The following PCYT1A variants were observed in gnomAD, a reference collection of about 807,000 sequenced individuals.
PCYT1A encodes the protein phosphate cytidylyltransferase 1A, choline, also known as choline-phosphate cytidylyltransferase A.
A neutral mutation model predicts 43.7 loss-of-function variants in PCYT1A; 25 were observed. The ratio of observed to expected loss-of-function variants is 0.57; its 90% confidence interval spans 0.42 to 0.80. The LOEUF (loss-of-function observed/expected upper bound fraction) is 0.80. PCYT1A is among the 30% of genes least tolerant of loss of function. PCYT1A has a pLI of 0.00. For synonymous variants in PCYT1A, 172 were observed against 170.7 expected, an observed-to-expected ratio of 1.01 and a Z score of -0.06; for missense variants, 421 against 474.2, an observed-to-expected ratio of 0.89 and a Z score of 1.04.
intron 2 of PCYT1A, among the ~76,000 whole-genome samples, chr3:196,262,768 T>C (rs1041676222): frequency 2.0e-5 from 3 of 151,082 alleles, no homozygotes; most frequent in Admixed American, 6.7e-5. Context: ...CCAGTACACT[T>C]TTTACTTTCT....
intron 2 of PCYT1A, among the ~76,000 whole-genome samples, chr3:196,260,779 T>C (rs1273556108): frequency 6.6e-6 from 1 of 152,092 alleles, no homozygotes; most frequent in African/African-American, 2.4e-5. Flanking sequence ...GAGGTGGAGG[T>C]TGCAGTGAGC....
chr3:196,265,086 C>A (rs1405345409), intron 2 of PCYT1A, among the ~76,000 whole-genome samples: 1 of 151,308 alleles, frequency 6.6e-6, no homozygotes, highest in Non-Finnish European at 1.5e-5. Flanking sequence ...TTTTTTGAGA[C>A]AGAGTCTCGC....
In PCYT1A at chr3:196,239,604, C is replaced by T. The variant is rs760503852; in HGVS notation, c.840G>A (p.Glu280=). 6 of 1,612,826 alleles carry T rather than the reference C, an allele frequency of 3.7e-6. No homozygotes were observed. The highest frequency in any genetic ancestry group is 5.1e-6 in the Non-Finnish European group (6 of 1,178,886). ...KSIDLIQKWE[E]KSREFIGSFL... ...AACTTCCAATGAATTCTCGGGACTTCTCCTCCCACTTCTGAATGAGGTCAA... is the reference window on the plus strand; with the variant it reads ...AACTTCCAATGAATTCTCGGGACTTTTCCTCCCACTTCTGAATGAGGTCAA... The change falls in exon 8 of 9, where the codon GAG becomes GAA. Residue 280 remains glutamate, a synonymous_variant. Transcript: ENST00000431016.
Position 196,277,003 on chromosome 3 carries a change from G to A in PCYT1A, c.-10-6462C>T, listed in dbSNP as rs1446536790. Reference sequence around the variant, plus strand: ...CTGGCACTTTGAGAGGCCAAGGCAGGCGAATCACCTGAGGTCTGGAGTTCA... The same window carrying A: ...CTGGCACTTTGAGAGGCCAAGGCAGACGAATCACCTGAGGTCTGGAGTTCA... On this transcript the variant is annotated intron_variant, in intron 1 of 8. Transcript: ENST00000431016. The surrounding 1 kb of genome is among the most constrained non-coding windows in gnomAD (Gnocchi z 4.1). 2.6e-5 allele frequency among the ~76,000 whole-genome samples: 4 copies of A among 152,024 alleles called. No individual in the cohort carries two copies. Among genetic ancestry groups the A allele is most frequent in the East Asian group, 3.9e-4 (2 of 5,182 alleles).
chr3:196,260,862 A>C (rs1725090838), intron 2 of PCYT1A, among the ~76,000 whole-genome samples: 1 of 152,180 alleles, frequency 6.6e-6, no homozygotes, highest in African/African-American at 2.4e-5. Flanking sequence ...CAAAACAAAA[A>C]CAAAAACAAA....
In PCYT1A at chr3:196,247,241, C is replaced by T; in HGVS notation, c.486+126G>A. 1 of 951,406 alleles carries T rather than the reference C, an allele frequency of 1.1e-6. No individual in the cohort carries two copies. The allele number at this position is 951,406 out of a possible 1,614,324, so 58.9% of individuals were successfully genotyped here. On this transcript the variant is annotated intron_variant, in intron 5 of 8. Coordinates refer to ENST00000431016, the MANE Select transcript of PCYT1A (RefSeq NM_001312673.2). This position sits in a 1 kb window ranked among gnomAD's most constrained non-coding sequence, Gnocchi z 4.8. The stretch of plus-strand genomic sequence containing the variant: ...ATCACTAGTAATATCACTGTCATCT[C>T]CTACGAAACTTACATAAGAGGTAGA...
chr3:196,257,971 G>T, intron 2 of PCYT1A, 84 bp from the exon 3 acceptor site: 1 of 770,958 alleles, frequency 1.3e-6, no homozygotes, highest in South Asian at 1.6e-5. Flanking sequence ...ATGAGAGAAA[G>T]GAGATTGATC....
At chr3:196,286,955 T>G (rs1374315440) in intron 1 of PCYT1A, among the ~76,000 whole-genome samples, 1 of 152,204 alleles carries the variant, frequency 6.6e-6, no homozygotes, top group African/African-American at 2.4e-5. Context: ...ATCCACTAAA[T>G]TGGTTTCACA....
chr3:196,238,376 A>C lies in PCYT1A; in HGVS notation c.*312T>G. 1 of 209,280 alleles carries C rather than the reference A, an allele frequency of 4.8e-6. No homozygotes were observed. Among genetic ancestry groups the C allele is most frequent in the Non-Finnish European group, 9.5e-6 (1 of 105,658 alleles). The allele number at this position is 209,280 out of a possible 1,614,324, so 13.0% of individuals were successfully genotyped here. A position where few individuals can be genotyped will look rare whatever the true frequency, so the allele number is the denominator to read the frequency against. ...TCTACATTTGAAAGACGAATTTTTT[A>C]AAAAATTAATGAAAATGACAATTTC... On this transcript the variant is annotated 3_prime_UTR_variant, in exon 9 of 9. Coordinates refer to ENST00000431016, the MANE Select transcript of PCYT1A (RefSeq NM_001312673.2).
chr3:196,272,879 G>T (rs2108778878), intron 1 of PCYT1A, among the ~76,000 whole-genome samples: 1 of 152,342 alleles, frequency 6.6e-6, no homozygotes, highest in South Asian at 2.1e-4. Flanking sequence ...TGTGGCCAGT[G>T]GCACCTTTGC....
chr3:196,286,774 C>T (rs750461065), intron 1 of PCYT1A, among the ~76,000 whole-genome samples: 1 of 152,108 alleles, frequency 6.6e-6, no homozygotes, highest in Non-Finnish European at 1.5e-5. Flanking sequence ...ATTAGCCGGG[C>T]GTGGTGGCGC....
rs890412162 is a variant in PCYT1A at position 196,268,582 on chromosome 3, C to T, written c.117+1833G>A. The stretch of plus-strand genomic sequence containing the variant: ...GGAAGACTACTTGAGCTCAGGAGTT[C>T]AAGACCAGCCTGGGCAACATAGCAA... On this transcript the variant is annotated intron_variant, in intron 2 of 8. Coordinates refer to ENST00000431016, the MANE Select transcript of PCYT1A (RefSeq NM_001312673.2). This position sits in a 1 kb window ranked among gnomAD's most constrained non-coding sequence, Gnocchi z 4.4. 3.0e-4 allele frequency among the ~76,000 whole-genome samples: 46 copies of T among 151,888 alleles called. No individual in the cohort carries two copies. The highest frequency in any genetic ancestry group is 1.0e-3 in the African/African-American group (43 of 41,334).
In PCYT1A at chr3:196,247,611, G is replaced by T; in HGVS notation, c.335-93C>A. The T allele has an allele frequency of 1.6e-6, 2 of 1,224,610 alleles. No homozygotes were observed. Among genetic ancestry groups the T allele is most frequent in the South Asian group, 1.2e-5 (1 of 81,922 alleles). The allele number at this position is 1,224,610 out of a possible 1,614,324, so 75.9% of individuals were successfully genotyped here. A position where few individuals can be genotyped will look rare whatever the true frequency, so the allele number is the denominator to read the frequency against. The stretch of plus-strand genomic sequence containing the variant: ...TCTCCCATCTTCTCCCACTGCTTAG[G>T]ACTGCAACCATCTTCCCCAACTGGA... On this transcript the variant is annotated intron_variant, in intron 4 of 8. Transcript: ENST00000431016. This position sits in a 1 kb window ranked among gnomAD's most constrained non-coding sequence, Gnocchi z 4.8.
rs1725485020 is a variant in PCYT1A, at chr3:196,273,068, G to T, written c.-10-2527C>A. Reference sequence around the variant, plus strand: ...CCACTGCGCACAGCCAGGCACGCCAGCTGCCAGGGGGTGAGCAGCTCGAGG... The same window carrying T: ...CCACTGCGCACAGCCAGGCACGCCATCTGCCAGGGGGTGAGCAGCTCGAGG... On this transcript the variant is annotated intron_variant, in intron 1 of 8. Coordinates refer to ENST00000431016, the MANE Select transcript of PCYT1A (RefSeq NM_001312673.2). The surrounding 1 kb of genome is among the most constrained non-coding windows in gnomAD (Gnocchi z 4.1). Among the ~76,000 whole-genome samples the T allele has an allele frequency of 1.3e-5, 2 of 152,224 alleles. No homozygotes were observed. Among genetic ancestry groups the T allele is most frequent in the African/African-American group, 4.8e-5 (2 of 41,452 alleles).
chr3:196,238,905 C>G lies in PCYT1A; in HGVS notation c.898-11G>C. The G allele has an allele frequency of 7.2e-7, 1 of 1,392,880 alleles. No individual in the cohort carries two copies. Among genetic ancestry groups the G allele is most frequent in the Non-Finnish European group, 9.4e-7 (1 of 1,068,734 alleles). 86.3% of individuals were successfully genotyped at this position (1,392,880 alleles called of 1,614,324 possible). A position where few individuals can be genotyped will look rare whatever the true frequency, so the allele number is the denominator to read the frequency against. On this transcript the variant is annotated splice_polypyrimidine_tract_variant and intron_variant, in intron 8 of 8. Transcript: ENST00000431016. ...TTTCAGCATATGTTTCTGCAGAAACCGAAAGGAAGAGTCAGAAAAACACCG... is the reference window on the plus strand; with the variant it reads ...TTTCAGCATATGTTTCTGCAGAAACGGAAAGGAAGAGTCAGAAAAACACCG...
chr3:196,258,012 T>G (rs1724999007), intron 2 of PCYT1A, 125 bp from the exon 3 acceptor site: 1 of 584,712 alleles, frequency 1.7e-6, no homozygotes, highest in Non-Finnish European at 3.0e-6. Flanking sequence ...GTTTAAGAGA[T>G]TTCGTTATTC....
chr3:196,275,338 G>A (rs1432462339), intron 1 of PCYT1A, among the ~76,000 whole-genome samples: 1 of 152,168 alleles, frequency 6.6e-6, no homozygotes, highest in Admixed American at 6.5e-5. Context: ...GAATCTAAAA[G>A]AGTGGAACTC....
At chr3:196,260,920 A>C (rs1271769963) in intron 2 of PCYT1A, among the ~76,000 whole-genome samples, 2 of 152,246 alleles carry the variant, frequency 1.3e-5, no homozygotes. Context: ...CGTAATAGCC[A>C]AAAAGTAGAA....
intron 3 of PCYT1A, among the ~76,000 whole-genome samples, chr3:196,253,076 G>A (rs1410738099): frequency 6.6e-6 from 1 of 151,974 alleles, no homozygotes; most frequent in Non-Finnish European, 1.5e-5. Context: ...AGTGGCTCAC[G>A]CCTGTAATCC....
Sources: gnomAD v4.1 joint callset for allele counts (sites outside exome capture counted in the v4.1 genomes callset) on GRCh38, gnomAD v4.1.1 for gene constraint, Gnocchi (gnomAD v3.1) non-coding constraint, MANE v1.5 for transcripts, NCBI Gene and HGNC (gene_info 2026-07-23, HGNC 2026-07-21) for gene names.